The following NOTCH3 variants were observed in gnomAD, a reference collection of about 807,000 sequenced individuals.
NOTCH3 encodes neurogenic locus notch homolog protein 3.
Under a neutral mutation model 213.3 loss-of-function variants are expected in NOTCH3, and 86 were observed. The observed-to-expected ratio is 0.40, with a 90% CI of 0.34 to 0.48. The LOEUF is 0.48. Ranked by LOEUF, NOTCH3 falls within the 20% of genes least tolerant of loss-of-function variation. The probability of loss-of-function intolerance (pLI) is 0.57; values close to 1 mark genes in which losing one functional copy is unlikely to be tolerated. For synonymous variants in NOTCH3, 1,354 were observed against 1,355.9 expected, an observed-to-expected ratio of 1.00 and a Z score of 0.03; for missense variants, 2,783 against 3,272.6, an observed-to-expected ratio of 0.85 and a Z score of 3.65.
At chr19:15,190,758 T>C (rs2046920530) in intron 6 of NOTCH3, among the ~76,000 whole-genome samples, 1 of 152,162 alleles carries the variant, frequency 6.6e-6, no homozygotes, top group Non-Finnish European at 1.5e-5. Flanking sequence ...GCTAATTTTT[T>C]GTATTTTTGG....
rs779902629 is a variant in NOTCH3 at position 15,161,020 on chromosome 19, G to T, written c.6608C>A (p.Ser2203Tyr). The T allele has an allele frequency of 3.9e-6, 6 of 1,538,396 alleles. No homozygotes were observed. In the East Asian group the frequency reaches 1.4e-4, roughly 37 times the overall value. Residue 2203 changes from serine to tyrosine, a missense_variant, in exon 33 of 33, where the codon TCC becomes TAC. Around this residue, in one of 6 missense-constraint regions of NOTCH3, gnomAD observed 441 missense variants for 432.1 expected, o/e 1.02. Transcript: ENST00000263388. Reference protein sequence around the residue: ...PQLLNPGTPVSPQERPPPYLA... With the variant: ...PQLLNPGTPVYPQERPPPYLA... The stretch of plus-strand genomic sequence containing the variant: ...GTAAGGCGGGGGCCGCTCCTGCGGG[G>T]AGACGGGGGTCCCTGGGTTGAGCAG...
intron 1 of NOTCH3, among the ~76,000 whole-genome samples, chr19:15,200,586 G>A (rs2047004497): frequency 1.3e-5 from 2 of 151,966 alleles, no homozygotes; most frequent in Non-Finnish European, 2.9e-5. Context: ...ATCGCTCAAG[G>A]GTCCCTGTTC....
rs2074620 is a variant in NOTCH3 at position 15,170,575 on chromosome 19, C to A, written c.4892-22G>T. 1,158,513 of 1,603,266 alleles carry A rather than the reference C, an allele frequency of 0.72. 429,751 individuals are homozygous for A. The highest frequency in any genetic ancestry group is 0.77 in the Non-Finnish European group (901,929 of 1,177,432). On this transcript the variant is annotated intron_variant, in intron 26 of 32. Coordinates refer to ENST00000263388, the MANE Select transcript of NOTCH3 (RefSeq NM_000435.3). ...TCCCCTAAGAGCAGGAAGCAGAGGG[C>A]GGGGCTTCAGCCGAGGGCGGGGCTT...
intron 6 of NOTCH3, 100 bp from the exon 7 acceptor site, chr19:15,189,528 T>A: frequency 5.4e-6 from 8 of 1,481,416 alleles, no homozygotes; most frequent in Non-Finnish European, 7.5e-6. Flanking sequence ...TGTTTTGTTT[T>A]GTTTTTTGAG....
chr19:15,197,441 G>GGGGCGCCCCCCCCCCC, intron 2 of NOTCH3, 59 bp downstream of exon 2: 1 of 768,360 alleles, frequency 1.3e-6, no homozygotes. Flanking sequence ...AAGACAAATC[G>GGGGCGCCCCCCCCCCC]CCCCTCCCCC....
intron 31 of NOTCH3, among the ~76,000 whole-genome samples, chr19:15,163,610 T>C (rs533896532): frequency 6.6e-6 from 1 of 152,260 alleles, no homozygotes; most frequent in East Asian, 1.9e-4. Flanking sequence ...GTGGGAGTAT[T>C]GCTTAAGGCC....
chr19:15,184,613 C>G (rs959210327), intron 15 of NOTCH3, among the ~76,000 whole-genome samples, 163 bp from the exon 16 acceptor site: 2 of 152,112 alleles, frequency 1.3e-5, no homozygotes, highest in Non-Finnish European at 2.9e-5. Context: ...TCAGAATGGC[C>G]GTCTCCCTGT....
rs763321998 is a variant in NOTCH3, at chr19:15,180,999, A to G, written c.2956T>C (p.Cys986Arg). 1.9e-6 allele frequency: 3 copies of G among 1,597,548 alleles called. No individual in the cohort carries two copies. Among genetic ancestry groups the G allele is most frequent in the South Asian group, 1.1e-5 (1 of 88,612 alleles). ...CCCGTGAAGCTCTCGAGGCAGGTGC[A>G]GCGGAAGCCAGGGTGGGCGGCGCTG... Reference protein sequence around the residue: ...VCSAAHPGFRCTCLESFTGPQ... With the variant: ...VCSAAHPGFRRTCLESFTGPQ... Residue 986 changes from cysteine (C) to arginine (R), a missense_variant, in exon 18 of 33, where the codon TGC (cysteine) becomes CGC (arginine). By Grantham distance (180) the Cys-to-Arg change is radical. Around this residue, in one of 6 missense-constraint regions of NOTCH3, gnomAD observed 861 missense variants for 909.1 expected, o/e 0.95. Transcript: ENST00000263388.
chr19:15,169,569 C>A (rs2046714005), intron 28 of NOTCH3, among the ~76,000 whole-genome samples: 1 of 152,144 alleles, frequency 6.6e-6, no homozygotes, highest in South Asian at 2.1e-4. Context: ...CGGGGTTTCA[C>A]CATGTTGGTC....
At position 15,166,188 on chromosome 19, in the gene NOTCH3, G is replaced by A. The variant is rs577113265; in HGVS notation, c.5363-97C>T. The A allele has an allele frequency of 7.4e-5, 75 of 1,018,152 alleles. No individual in the cohort carries two copies. In the East Asian group the frequency reaches 1.6e-3, roughly 22 times the overall value. 63.1% of individuals were successfully genotyped at this position (1,018,152 alleles called of 1,614,324 possible). A position where few individuals can be genotyped will look rare whatever the true frequency, so the allele number is the denominator to read the frequency against. ...CCCATTAGGAGCTAATGGGACACATGGAAAAATGACAATTAGCAGATCCTC... is the reference window on the plus strand; with the variant it reads ...CCCATTAGGAGCTAATGGGACACATAGAAAAATGACAATTAGCAGATCCTC... On this transcript the variant is annotated intron_variant, in intron 29 of 32. Coordinates refer to ENST00000263388, the MANE Select transcript of NOTCH3 (RefSeq NM_000435.3).
At position 15,178,023 on chromosome 19, in the gene NOTCH3, A is replaced by T; in HGVS notation, c.3905T>A (p.Val1302Asp). 1.3e-6 allele frequency: 2 copies of T among 1,500,670 alleles called. No individual in the cohort carries two copies. The highest frequency in any genetic ancestry group is 1.8e-6 in the Non-Finnish European group (2 of 1,130,026). 93.0% of individuals were successfully genotyped at this position (1,500,670 alleles called of 1,614,324 possible). ...CCCGCGGGGCGTCTGCTGGCATGGG[A>T]CGCCCACCGGGCACTGCAGCTCCCG... ...SCRELQCPVG[V>D]PCQQTPRGPR... Residue 1302 changes from valine (V) to aspartate (D), a missense_variant, in exon 24 of 33, where the codon GTC (valine) becomes GAC (aspartate). Physicochemically the swap from Val to Asp is radical, Grantham distance 152. Transcript: ENST00000263388.
rs1486049863 is a variant in NOTCH3, at chr19:15,197,585, G to T, written c.119-7C>A. 6 of 1,610,926 alleles carry T rather than the reference G, an allele frequency of 3.7e-6. No homozygotes were observed. The highest frequency in any genetic ancestry group is 5.1e-6 in the Non-Finnish European group (6 of 1,179,530). On this transcript the variant is annotated splice_region_variant and splice_polypyrimidine_tract_variant and intron_variant, in intron 1 of 32. Transcript: ENST00000263388. ...CCGTCCAGGCAAGGGGGGGCTGTGT[G>T]GGGGTGAAGGAAGGTGGAGGATCAG...
intron 28 of NOTCH3, among the ~76,000 whole-genome samples, chr19:15,169,437 G>T (rs188913026): frequency 5.4e-5 from 8 of 149,200 alleles, no homozygotes; most frequent in African/African-American, 2.0e-4. Flanking sequence ...ACGGAGTTTC[G>T]CTCTTGTTGC....
chr19:15,181,434 G>T, intron 17 of NOTCH3, 142 bp downstream of exon 17: 2 of 736,436 alleles, frequency 2.7e-6, no homozygotes, highest in Non-Finnish European at 4.5e-6. Context: ...TCCTTCCCTG[G>T]CCCTGCCCCA....
At chr19:15,198,090 G>C (rs999164192) in intron 1 of NOTCH3, among the ~76,000 whole-genome samples, 13 of 152,312 alleles carry the variant, frequency 8.5e-5, no homozygotes, top group African/African-American at 2.9e-4. Flanking sequence ...ATGTACCCAC[G>C]AGTGAGCACA....
chr19:15,198,841 G>T (rs2046989172), intron 1 of NOTCH3, among the ~76,000 whole-genome samples: 1 of 152,146 alleles, frequency 6.6e-6, no homozygotes, highest in Non-Finnish European at 1.5e-5. Context: ...AACCTGGGAA[G>T]CGGAGGTTGC....
At position 15,181,034 on chromosome 19, in the gene NOTCH3, C is replaced by T. The variant is rs1302833098; in HGVS notation, c.2921G>A (p.Gly974Glu). The stretch of plus-strand genomic sequence containing the variant: ...AGGGTGGGCGGCGCTGCAGACGCCC[C>T]CGTGTAGGCAGGGCCGCGAGAGGCA... ...DPCLSRPCLH[G>E]GVCSAAHPGF... The change falls in exon 18 of 33, where the codon GGG becomes GAG. Residue 974 changes from glycine to glutamate, a missense_variant. Gly to Glu is a moderately conservative substitution (Grantham distance 98). Coordinates refer to ENST00000263388, the MANE Select transcript of NOTCH3 (RefSeq NM_000435.3). 2.5e-6 allele frequency: 4 copies of T among 1,602,716 alleles called. No homozygotes were observed. The East Asian group carries it at 9.0e-5, about 36-fold the overall frequency.
Position 15,161,618 on chromosome 19 carries a change from G to A in NOTCH3, c.6010C>T (p.Leu2004=), listed in dbSNP as rs370927186. Residue 2004 remains leucine, a synonymous_variant, in exon 33 of 33, where the codon CTG becomes TTG. Transcript: ENST00000263388. The part of the protein sequence containing the change: ...HFANREITDH[L]DRLPRDVAQE... The stretch of plus-strand genomic sequence containing the variant: ...GCTACGTCCCGCGGCAGCCTGTCCA[G>A]GTGGTCGGTGATCTCACGGTTGGCA... 1.5e-5 allele frequency: 24 copies of A among 1,613,326 alleles called. No individual in the cohort carries two copies. The highest frequency in any genetic ancestry group is 1.6e-4 in the Middle Eastern group (1 of 6,084).
chr19:15,196,137 A>C (rs1342171856), intron 2 of NOTCH3, among the ~76,000 whole-genome samples: 1 of 151,116 alleles, frequency 6.6e-6, no homozygotes, highest in Non-Finnish European at 1.5e-5. Flanking sequence ...CCACAGCCCA[A>C]CTCGGAGGAC....
Sources: allele counts gnomAD v4.1 joint callset (sites outside exome capture counted in the v4.1 genomes callset), GRCh38; gene constraint gnomAD v4.1.1; regional missense constraint gnomAD v4.1.1; transcripts MANE v1.5; gene names NCBI Gene and HGNC (gene_info 2026-07-23, HGNC 2026-07-21).